The following AADACL3 variants were observed in gnomAD, a reference collection of about 807,000 sequenced individuals.
AADACL3 encodes arylacetamide deacetylase like 3, also known as arylacetamide deacetylase-like 3.
AADACL3 carries 13 observed loss-of-function variants against 13.6 expected under a neutral mutation model. The ratio of observed to expected loss-of-function variants is 0.95; its 90% CI spans 0.62 to 1.52. The LOEUF (loss-of-function observed/expected upper bound fraction) is 1.52, where lower values mean the gene tolerates loss of function less well. Among genes scored for constraint, AADACL3 ranks in the 40% most tolerant of loss-of-function variants. The probability of loss-of-function intolerance (pLI) is 0.00; values close to 1 mark genes in which losing one functional copy is unlikely to be tolerated. For synonymous variants in AADACL3, 195 were observed against 197.0 expected (o/e 0.99, Z 0.08); for missense variants, 519 against 499.2 (o/e 1.04, Z -0.38).
rs1401442937 is a variant in AADACL3 at position 12,727,795 on chromosome 1, G to T, written c.*1799G>T. On this transcript the variant is annotated 3_prime_UTR_variant, in exon 4 of 4. Coordinates refer to ENST00000359318, the MANE Select transcript of AADACL3 (RefSeq NM_001103170.3). Reference sequence around the variant, plus strand: ...AAGGCACTGGAGTCCAATGGGTGAGGCCGCCTCTGAGACAAGCCTCTGAGT... The same window carrying T: ...AAGGCACTGGAGTCCAATGGGTGAGTCCGCCTCTGAGACAAGCCTCTGAGT... 1 of 152,220 alleles carries T rather than the reference G, an allele frequency of 6.6e-6. No homozygotes were observed. The highest frequency in any genetic ancestry group is 1.5e-5 in the Non-Finnish European group (1 of 68,070). The allele number at this position is 152,220 out of a possible 1,614,324, so 9.4% of individuals were successfully genotyped here.
chr1:12,726,243 G>A lies in AADACL3; in HGVS notation c.*247G>A. ...TCTATTCTCTGTTGGGAAAACCTGG[G>A]CTGACAATATTCAGTGGCCATTTGT... On this transcript the variant is annotated 3_prime_UTR_variant, in exon 4 of 4. Coordinates refer to ENST00000359318, the MANE Select transcript of AADACL3 (RefSeq NM_001103170.3). 1 of 512,090 alleles carries A rather than the reference G, an allele frequency of 2.0e-6. No individual in the cohort carries two copies. Among genetic ancestry groups the A allele is most frequent in the Non-Finnish European group, 3.4e-6 (1 of 291,288 alleles). The allele number at this position is 512,090 out of a possible 1,614,324, so 31.7% of individuals were successfully genotyped here.
chr1:12,719,869 A>G (rs371409421), intron 2 of AADACL3, among the ~76,000 whole-genome samples, 178 bp downstream of exon 2: 4 of 152,172 alleles, frequency 2.6e-5, no homozygotes, highest in African/African-American at 9.7e-5. Context: ...CCTCTTATGT[A>G]TCTCCTTATT....
In AADACL3 at chr1:12,725,754, G is replaced by A. The variant is rs185949240; in HGVS notation, c.982G>A (p.Ala328Thr). 7.8e-4 allele frequency: 1,257 copies of A among 1,614,150 alleles called. 3 individuals are homozygous for A. The highest frequency in any genetic ancestry group is 1.0e-3 in the Non-Finnish European group (1,190 of 1,180,030). Residue 328 changes from alanine to threonine, a missense_variant, in exon 4 of 4, where the codon GCA (alanine) becomes ACA (threonine). Coordinates refer to ENST00000359318, the MANE Select transcript of AADACL3 (RefSeq NM_001103170.3). ...GGATGTGATGTGCTCGCCCCTGATTGCAGAAGATGACATAGTGTCTCAGCT... is the reference window on the plus strand; with the variant it reads ...GGATGTGATGTGCTCGCCCCTGATTACAGAAGATGACATAGTGTCTCAGCT... Reference protein sequence around the residue: ...VLDVMCSPLIAEDDIVSQLPE... With the variant: ...VLDVMCSPLITEDDIVSQLPE...
Position 12,726,237 on chromosome 1 carries a change from A to G in AADACL3, c.*241A>G, listed in dbSNP as rs1219700778. ...GCTGTCTCTATTCTCTGTTGGGAAA[A>G]CCTGGGCTGACAATATTCAGTGGCC... On this transcript the variant is annotated 3_prime_UTR_variant, in exon 4 of 4. Transcript: ENST00000359318. 1 of 508,626 alleles carries G rather than the reference A, an allele frequency of 2.0e-6. No homozygotes were observed. Among genetic ancestry groups the G allele is most frequent in the Non-Finnish European group, 3.4e-6 (1 of 290,012 alleles). 31.5% of individuals were successfully genotyped at this position (508,626 alleles called of 1,614,324 possible). A position where few individuals can be genotyped will look rare whatever the true frequency, so the allele number is the denominator to read the frequency against.
rs902870913 is a variant in AADACL3 at position 12,725,214 on chromosome 1, C to T, written c.450-8C>T. The stretch of plus-strand genomic sequence containing the variant: ...CGTTATCAACTGTGTTTCTTGATTC[C>T]TTTTTAGTTACCGCAAGTTACCTAA... On this transcript the variant is annotated splice_polypyrimidine_tract_variant and splice_region_variant and intron_variant, in intron 3 of 3. Coordinates refer to ENST00000359318, the MANE Select transcript of AADACL3 (RefSeq NM_001103170.3). 6.3e-7 allele frequency: 1 copy of T among 1,587,016 alleles called. No homozygotes were observed. The highest frequency in any genetic ancestry group is 8.6e-7 in the Non-Finnish European group (1 of 1,167,718).
At chr1:12,720,482 T>C (rs1195121236) in intron 2 of AADACL3, among the ~76,000 whole-genome samples, 1 of 152,190 alleles carries the variant, frequency 6.6e-6, no homozygotes, top group Admixed American at 6.5e-5. Context: ...ACGAGTTAGA[T>C]ATTTTCATTA....
rs1305664125 is a variant in AADACL3, at chr1:12,725,809, A to G, written c.1037A>G (p.Tyr346Cys). Residue 346 changes from tyrosine to cysteine, a missense_variant, in exon 4 of 4, where the codon TAT becomes TGT. Physicochemically the swap from Tyr to Cys is radical, Grantham distance 194. Coordinates refer to ENST00000359318, the MANE Select transcript of AADACL3 (RefSeq NM_001103170.3). ...GAAACCTGCATCGTGAGCTGTGAGT[A>G]TGATGCTCTCCGGGACAATTCACTG... The part of the protein sequence containing the change: ...LPETCIVSCE[Y>C]DALRDNSLLY... 1.9e-6 allele frequency: 3 copies of G among 1,614,176 alleles called. No individual in the cohort carries two copies. Among genetic ancestry groups the G allele is most frequent in the South Asian group, 2.2e-5 (2 of 91,076 alleles).
chr1:12,722,326 G>GAA (rs564374343), intron 3 of AADACL3, among the ~76,000 whole-genome samples: 37 of 73,812 alleles, frequency 5.0e-4, no homozygotes, highest in African/African-American at 1.9e-3. Context: ...GATTCCGTCT[G>GAA]AAAAAAAAAA....
At chr1:12,722,210 C>G (rs1022129961) in intron 3 of AADACL3, among the ~76,000 whole-genome samples, 3 of 151,772 alleles carry the variant, frequency 2.0e-5, no homozygotes, top group Non-Finnish European at 4.4e-5. Flanking sequence ...GCCTGTAGCC[C>G]CAGCTACTCA....
intron 3 of AADACL3, among the ~76,000 whole-genome samples, chr1:12,723,113 C>G (rs1638300790): frequency 6.6e-6 from 1 of 151,858 alleles, no homozygotes. Flanking sequence ...CTCAGGCAAT[C>G]CTTCTTCCTC....
intron 1 of AADACL3, among the ~76,000 whole-genome samples, chr1:12,717,436 A>G (rs1648461832): frequency 1.3e-5 from 2 of 152,236 alleles, no homozygotes; most frequent in South Asian, 4.1e-4. Flanking sequence ...AACCCTCTCC[A>G]GAAGGCTTAT....
At chr1:12,719,254 G>T (rs368049185) in intron 1 of AADACL3, among the ~76,000 whole-genome samples, 2 of 152,316 alleles carry the variant, frequency 1.3e-5, no homozygotes, top group Non-Finnish European at 2.9e-5. Context: ...AGTGGGTTGA[G>T]AGGGGCTGGC....
chr1:12,720,904 C>G lies in AADACL3; in HGVS notation c.407C>G (p.Ser136Cys), dbSNP rs200734569. The stretch of plus-strand genomic sequence containing the variant: ...CTAGAAACCCACCATGGCATATGCT[C>G]TCGTTTGTGCAAGGAGAGTGACTCC... ...GSLKTHHGIC[S>C]RLCKESDSVV... The change falls in exon 3 of 4, where the codon TCT becomes TGT. Residue 136 changes from serine (S) to cysteine (C), a missense_variant. Ser to Cys is a moderately radical substitution (Grantham distance 112). Transcript: ENST00000359318. 101 of 1,612,080 alleles carry G rather than the reference C, an allele frequency of 6.3e-5. 1 individual carries two copies. The East Asian group carries it at 2.2e-3, about 35-fold the overall frequency.
chr1:12,717,726 T>C (rs905623700), intron 1 of AADACL3, among the ~76,000 whole-genome samples: 5 of 152,038 alleles, frequency 3.3e-5, no homozygotes, highest in African/African-American at 9.7e-5. Context: ...AAGCGGAGAA[T>C]GCAAGGAGGA....
intron 3 of AADACL3, among the ~76,000 whole-genome samples, chr1:12,722,913 C>A (rs1205086816): frequency 6.6e-6 from 1 of 152,006 alleles, no homozygotes; most frequent in Non-Finnish European, 1.5e-5. Context: ...CCAATTTTAC[C>A]TATTACAAAA....
chr1:12,726,152 T>C lies in AADACL3; in HGVS notation c.*156T>C. 1.3e-6 allele frequency: 1 copy of C among 758,892 alleles called. No homozygotes were observed. The highest frequency in any genetic ancestry group is 2.1e-6 in the Non-Finnish European group (1 of 482,444). 47.0% of individuals were successfully genotyped at this position (758,892 alleles called of 1,614,324 possible). A position where few individuals can be genotyped will look rare whatever the true frequency, so the allele number is the denominator to read the frequency against. ...TGGTCCAGGTTCTAGAACCACACAA[T>C]GCATGCTCCTGATGTCCAGAGGACG... On this transcript the variant is annotated 3_prime_UTR_variant, in exon 4 of 4. Coordinates refer to ENST00000359318, the MANE Select transcript of AADACL3 (RefSeq NM_001103170.3).
Position 12,728,415 on chromosome 1 carries a change from A to G in AADACL3, c.*2419A>G, listed in dbSNP as rs1252957318. 1 of 152,246 alleles carries G rather than the reference A, an allele frequency of 6.6e-6. No individual in the cohort carries two copies. The highest frequency in any genetic ancestry group is 1.5e-5 in the Non-Finnish European group (1 of 68,036). 9.4% of individuals were successfully genotyped at this position (152,246 alleles called of 1,614,324 possible). ...CTATATTATAGTTTATTAAGTGTGC[A>G]ATAGCATTATGTCTTTAAAAAGCAT... On this transcript the variant is annotated 3_prime_UTR_variant, in exon 4 of 4. Transcript: ENST00000359318.
chr1:12,725,326 C>G lies in AADACL3; in HGVS notation c.554C>G (p.Ala185Gly), dbSNP rs542929374. 1.2e-6 allele frequency: 2 copies of G among 1,614,104 alleles called. 1 individual carries two copies. Among genetic ancestry groups the G allele is most frequent in the South Asian group, 2.2e-5 (2 of 91,070 alleles). ...KSLDAYGVDPARVVVCGDSFG... is the reference protein window; with the variant it reads ...KSLDAYGVDPGRVVVCGDSFG... ...CTGGATGCATATGGAGTGGATCCAG[C>G]CCGGGTTGTGGTCTGCGGTGACAGT... is the stretch of plus-strand genomic sequence containing the variant. The change falls in exon 4 of 4, where the codon GCC becomes GGC. Residue 185 changes from alanine to glycine, a missense_variant. By Grantham distance (60) the Ala-to-Gly change is moderately conservative. Coordinates refer to ENST00000359318, the MANE Select transcript of AADACL3 (RefSeq NM_001103170.3).
At chr1:12,724,572 C>G (rs1448112156) in intron 3 of AADACL3, among the ~76,000 whole-genome samples, 1 of 151,956 alleles carries the variant, frequency 6.6e-6, no homozygotes, top group African/African-American at 2.4e-5. Flanking sequence ...GCAGCCTCAA[C>G]CTCCCAGGCC....
Sources: allele counts gnomAD v4.1 joint callset (sites outside exome capture counted in the v4.1 genomes callset), GRCh38; gene constraint gnomAD v4.1.1; transcripts MANE v1.5; gene names NCBI Gene and HGNC (gene_info 2026-07-23, HGNC 2026-07-21).